SIL1: variants seen among roughly 807,000 people sequenced by gnomAD.
The protein encoded by SIL1 is SIL1 nucleotide exchange factor, also known as nucleotide exchange factor SIL1.
SIL1 carries 40 observed loss-of-function variants against 49.1 expected under a neutral mutation model. The observed-to-expected ratio is 0.81, with a 90% CI of 0.63 to 1.06. The LOEUF is 1.06. SIL1 is among the 50% of genes least tolerant of loss of function. The pLI is 0.00. For missense variants in SIL1, 500 were observed against 572.6 expected, an observed-to-expected ratio of 0.87 and a Z score of 1.29; for synonymous variants, 253 against 250.8, an observed-to-expected ratio of 1.01 and a Z score of -0.08.
At chr5:139,050,872 T>A (rs1769269078) in intron 4 of SIL1, 66 bp downstream of exon 4, 1 of 1,301,686 alleles carries the variant, frequency 7.7e-7, no homozygotes, top group Admixed American at 1.7e-5. Context: ...GGGTAACATT[T>A]TAAGTATTAC....
intron 1 of SIL1, among the ~76,000 whole-genome samples, chr5:139,175,002 G>C (rs1484779471): frequency 6.7e-6 from 1 of 149,080 alleles, no homozygotes; most frequent in Non-Finnish European, 1.5e-5. Context: ...TATTACCACT[G>C]ATTCTACAGA....
chr5:139,087,653 G>A (rs1398410642), intron 3 of SIL1, among the ~76,000 whole-genome samples: 1 of 152,278 alleles, frequency 6.6e-6, no homozygotes, highest in East Asian at 1.9e-4. Context: ...TGAGGGAGCA[G>A]TCATACTGTT....
At chr5:139,111,445 C>G (rs1291388151) in intron 3 of SIL1, among the ~76,000 whole-genome samples, 2 of 152,132 alleles carry the variant, frequency 1.3e-5, no homozygotes, top group South Asian at 2.1e-4. Context: ...TTCCAACATA[C>G]AGAAAACCTC....
chr5:139,007,922 C>CT (rs1184754342), intron 7 of SIL1, among the ~76,000 whole-genome samples: 1 of 151,036 alleles, frequency 6.6e-6, no homozygotes, highest in Non-Finnish European at 1.5e-5. Flanking sequence ...CTAAAATTCT[C>CT]TTTTTTTGTT....
chr5:138,958,302 C>T (rs1208026662), intron 7 of SIL1, among the ~76,000 whole-genome samples: 1 of 152,202 alleles, frequency 6.6e-6, no homozygotes, highest in African/African-American at 2.4e-5. Context: ...AATACACAAA[C>T]ACAATGCCGT....
chr5:138,964,262 T>C (rs1767086626), intron 7 of SIL1, among the ~76,000 whole-genome samples: 1 of 152,150 alleles, frequency 6.6e-6, no homozygotes, highest in South Asian at 2.1e-4. Context: ...CAGTTAAGAA[T>C]ACCAGGGCTA....
intron 3 of SIL1, among the ~76,000 whole-genome samples, chr5:139,084,804 A>T (rs886257406): frequency 2.5e-4 from 38 of 152,128 alleles, no homozygotes; most frequent in Non-Finnish European, 4.1e-4. Flanking sequence ...AATAAATAAA[A>T]AAAAATAAAA....
chr5:139,184,750 T>C (rs1752048956), intron 1 of SIL1, among the ~76,000 whole-genome samples: 1 of 152,142 alleles, frequency 6.6e-6, no homozygotes. Context: ...TTGAAAACAG[T>C]AAAATATTGC....
At chr5:139,022,442 A>C (rs1482477456) in intron 6 of SIL1, 2 of 152,242 alleles carry the variant, frequency 1.3e-5, no homozygotes, top group African/African-American at 2.4e-5. Context: ...ATTTGGATGG[A>C]ATCTCCATGA....
At chr5:139,065,935 T>C (rs1769695344) in intron 3 of SIL1, among the ~76,000 whole-genome samples, 1 of 152,214 alleles carries the variant, frequency 6.6e-6, no homozygotes, top group Admixed American at 6.5e-5. Flanking sequence ...CAACAAGTCA[T>C]CTCTCTGATA....
chr5:139,176,612 C>T (rs1288341225), intron 1 of SIL1, among the ~76,000 whole-genome samples: 3 of 152,144 alleles, frequency 2.0e-5, no homozygotes, highest in African/African-American at 7.2e-5. Flanking sequence ...ACAGATTCAA[C>T]GTCAGGTGAG....
At chr5:139,023,812 C>T (rs554059171) in intron 6 of SIL1, among the ~76,000 whole-genome samples, 1 of 152,324 alleles carries the variant, frequency 6.6e-6, no homozygotes, top group African/African-American at 2.4e-5. Context: ...TTACTTAATC[C>T]CCCAGTGAAA....
intron 1 of SIL1, among the ~76,000 whole-genome samples, chr5:139,133,142 C>A (rs952564198): frequency 1.3e-5 from 2 of 152,154 alleles, no homozygotes; most frequent in Non-Finnish European, 2.9e-5. Flanking sequence ...TGGCCCTCTT[C>A]TGACATAAAA....
At chr5:139,167,523 C>T (rs1751648877) in intron 1 of SIL1, among the ~76,000 whole-genome samples, 1 of 152,120 alleles carries the variant, frequency 6.6e-6, no homozygotes, top group African/African-American at 2.4e-5. Context: ...TAGAAAAATG[C>T]TTACAGAATA....
chr5:139,164,116 C>CA (rs397999400), intron 1 of SIL1, among the ~76,000 whole-genome samples: 54,540 of 114,378 alleles, frequency 0.48, 12,534 homozygotes, highest in South Asian at 0.59. Flanking sequence ...GAGAATGTCT[C>CA]AAAAAAAAAA....
chr5:138,988,747 C>A (rs1466477337), intron 7 of SIL1, among the ~76,000 whole-genome samples: 3 of 152,138 alleles, frequency 2.0e-5, no homozygotes, highest in Admixed American at 6.5e-5. Context: ...GTGGTACGTA[C>A]CTGTGGTCCC....
At chr5:139,186,649 A>G (rs952123242) in intron 1 of SIL1, among the ~76,000 whole-genome samples, 2 of 152,120 alleles carry the variant, frequency 1.3e-5, no homozygotes, top group African/African-American at 4.8e-5. Context: ...GGCCCTAAAA[A>G]CATCTGAGTT....
At chr5:139,008,440 G>T (rs950129076) in intron 7 of SIL1, among the ~76,000 whole-genome samples, 3 of 120,200 alleles carry the variant, frequency 2.5e-5, no homozygotes, top group Admixed American at 1.6e-4. Context: ...TTTTTGAAGG[G>T]TTTTTTGTGT....
intron 3 of SIL1, among the ~76,000 whole-genome samples, chr5:139,090,360 T>C (rs1382393423): frequency 6.6e-6 from 1 of 152,198 alleles, no homozygotes; most frequent in African/African-American, 2.4e-5. Context: ...GATTCTCTTC[T>C]GGGGCTCATC....
Sources: gnomAD v4.1 joint callset for allele counts (sites outside exome capture counted in the v4.1 genomes callset) on GRCh38, gnomAD v4.1.1 for gene constraint, MANE v1.5 for transcripts, NCBI Gene and HGNC (gene_info 2026-07-23, HGNC 2026-07-21) for gene names.